The following NUGGC variants were observed in gnomAD, a reference collection of about 807,000 sequenced individuals.
NUGGC encodes the protein nuclear GTPase, germinal center associated.
In NUGGC, 58 loss-of-function variants were observed where a neutral mutation model predicts 92.6. That is an observed-to-expected ratio of 0.63 (90% CI 0.51 to 0.78). The LOEUF (loss-of-function observed/expected upper bound fraction) is 0.78. Ranked by LOEUF, NUGGC falls within the 30% of genes least tolerant of loss-of-function variation. The probability of loss-of-function intolerance (pLI) is 0.00; values close to 1 mark genes in which losing one functional copy is unlikely to be tolerated. For synonymous variants in NUGGC, 376 were observed against 366.4 expected (o/e 1.03, Z -0.30); for missense variants, 925 against 964.6 (o/e 0.96, Z 0.54).
At chr8:28,075,002 A>G (rs1184641644) in intron 1 of NUGGC, among the ~76,000 whole-genome samples, 1 of 152,152 alleles carries the variant, frequency 6.6e-6, no homozygotes, top group Admixed American at 6.5e-5. Context: ...CGCTGAAATG[A>G]GAATAAGCCT....
In NUGGC at chr8:28,058,269, T is replaced by C. The variant is rs1363269315; in HGVS notation, c.1105A>G (p.Lys369Glu). The part of the protein sequence containing the change: ...LHLPEYLRER[K>E]AGNQAIQSQR... ...TAGTTCATACTTACATTTCCTGCCT[T>C]TCTTTCCCTGAAATGAAATTAGAAA... The change falls in exon 9 of 19, where the codon AAG (lysine) becomes GAG (glutamate). Residue 369 changes from lysine to glutamate, a missense_variant. Lys to Glu is a moderately conservative substitution (Grantham distance 56). Coordinates refer to ENST00000413272, the MANE Select transcript of NUGGC (RefSeq NM_001010906.2). The C allele has an allele frequency of 2.0e-6, 1 of 512,562 alleles. No individual in the cohort carries two copies. The highest frequency in any genetic ancestry group is 4.2e-5 in the Admixed American group (1 of 23,686). 31.8% of individuals were successfully genotyped at this position (512,562 alleles called of 1,614,324 possible).
intron 11 of NUGGC, 102 bp from the exon 12 acceptor site, chr8:28,045,762 A>G (rs2130139847): frequency 7.7e-7 from 1 of 1,290,602 alleles, no homozygotes; most frequent in Non-Finnish European, 1.1e-6. Flanking sequence ...TGAATGAAGT[A>G]GAGTTGAGAT....
rs1463587844 is a variant in NUGGC, at chr8:28,027,178, T to C, written c.2155-126A>G. The stretch of plus-strand genomic sequence containing the variant: ...AGACTGGGGTTGCCAAAGTCAGGCT[T>C]TGCAACCCAGTTGCAAAACGGTGAA... On this transcript the variant is annotated intron_variant, in intron 17 of 18. Transcript: ENST00000413272. 5 of 726,710 alleles carry C rather than the reference T, an allele frequency of 6.9e-6. No homozygotes were observed. The East Asian group carries it at 1.2e-4, about 18-fold the overall frequency. 45.0% of individuals were successfully genotyped at this position (726,710 alleles called of 1,614,324 possible). A position where few individuals can be genotyped will look rare whatever the true frequency, so the allele number is the denominator to read the frequency against.
chr8:28,036,016 G>A (rs1447345165), intron 13 of NUGGC, among the ~76,000 whole-genome samples: 1 of 152,028 alleles, frequency 6.6e-6, no homozygotes, highest in East Asian at 1.9e-4. Context: ...CTGAGAAGCT[G>A]GGACTACAGG....
intron 13 of NUGGC, among the ~76,000 whole-genome samples, chr8:28,036,390 C>T (rs1439141657): frequency 1.3e-5 from 2 of 151,980 alleles, no homozygotes; most frequent in Non-Finnish European, 2.9e-5. Flanking sequence ...CTGTCCTTCT[C>T]TCCACTCCTC....
intron 10 of NUGGC, among the ~76,000 whole-genome samples, chr8:28,049,067 T>C (rs1563221170): frequency 1.3e-5 from 2 of 151,400 alleles, no homozygotes; most frequent in Non-Finnish European, 2.9e-5. Context: ...TTGAGGGAGG[T>C]AGAAAGCAGT....
In NUGGC at chr8:28,054,768, GCACTGTGGTGCTT is replaced by G. The variant is rs141794219; in HGVS notation, c.1206+1184_1206+1196del. ...CTTCTTTAAAATTCTGCTCTGCAGA[GCACTGTGGTGCTT>G]GCCGAGCTGTAGTCCCAGCTACGTG... On this transcript the variant is annotated intron_variant, in intron 10 of 18. Transcript: ENST00000413272. 3.3e-4 allele frequency among the ~76,000 whole-genome samples: 50 copies of G among 152,080 alleles called. 1 individual carries two copies. The East Asian group carries it at 9.0e-3, about 27-fold the overall frequency.
chr8:28,080,302 G>C (rs1810819791), intron 1 of NUGGC, among the ~76,000 whole-genome samples: 1 of 152,162 alleles, frequency 6.6e-6, no homozygotes, highest in Non-Finnish European at 1.5e-5. Flanking sequence ...GAGAGAGAGA[G>C]ACTATCAGAG....
intron 12 of NUGGC, among the ~76,000 whole-genome samples, chr8:28,043,826 C>G (rs117138186): frequency 0.015 from 2,282 of 152,250 alleles, 13 homozygotes; most frequent in African/African-American, 0.016. Context: ...CAAATTTCAC[C>G]CTGAAGAACT....
intron 11 of NUGGC, 54 bp downstream of exon 11, chr8:28,047,453 G>A: frequency 8.5e-7 from 1 of 1,170,584 alleles, no homozygotes; most frequent in Non-Finnish European, 1.2e-6. Flanking sequence ...AATTCGAAGT[G>A]CCAAGCTTGA....
chr8:28,029,988 A>G (rs950535498), intron 16 of NUGGC, among the ~76,000 whole-genome samples: 1 of 152,304 alleles, frequency 6.6e-6, no homozygotes, highest in African/African-American at 2.4e-5. Flanking sequence ...ATGAGTTCAC[A>G]AGTGAGTGAG....
chr8:28,036,805 T>A (rs1273776308), intron 13 of NUGGC, among the ~76,000 whole-genome samples: 1 of 152,200 alleles, frequency 6.6e-6, no homozygotes, highest in Non-Finnish European at 1.5e-5. Context: ...TCTTGCCATG[T>A]CTCATCTTAA....
chr8:28,060,587 G>A lies in NUGGC; in HGVS notation c.936C>T (p.Cys312=). ...DEMWKKTIDK[C]SVIWVISDIE... ...TGTCGCTGATCACCCAGATCACTGA[G>A]CACTTGTCAATGGTCTGCAAAACAT... is the stretch of plus-strand genomic sequence containing the variant. The change falls in exon 8 of 19, where the codon TGC becomes TGT. Residue 312 remains cysteine (C), a synonymous_variant. Coordinates refer to ENST00000413272, the MANE Select transcript of NUGGC (RefSeq NM_001010906.2). 1 of 1,611,830 alleles carries A rather than the reference G, an allele frequency of 6.2e-7. No homozygotes were observed. The highest frequency in any genetic ancestry group is 8.5e-7 in the Non-Finnish European group (1 of 1,179,234).
At chr8:28,048,585 T>G (rs1809903909) in intron 10 of NUGGC, among the ~76,000 whole-genome samples, 1 of 152,146 alleles carries the variant, frequency 6.6e-6, no homozygotes, top group East Asian at 1.9e-4. Flanking sequence ...AACATTAGTC[T>G]GGGTGCGGTG....
intron 17 of NUGGC, among the ~76,000 whole-genome samples, chr8:28,028,164 T>C (rs913907063): frequency 1.3e-5 from 2 of 152,158 alleles, no homozygotes; most frequent in African/African-American, 4.8e-5. Context: ...ATGGTCAACG[T>C]ACACATTTTT....
chr8:28,079,373 CT>C (rs1810793902), intron 1 of NUGGC, among the ~76,000 whole-genome samples: 1 of 152,070 alleles, frequency 6.6e-6, no homozygotes, highest in Admixed American at 6.6e-5. Flanking sequence ...AACCCCATCT[CT>C]ACTAAAAATA....
At chr8:28,047,466 T>C in intron 11 of NUGGC, 41 bp downstream of exon 11, 1 of 1,270,726 alleles carries the variant, frequency 7.9e-7, no homozygotes. Context: ...AAGCTTGATC[T>C]TGAGAATTTT....
intron 1 of NUGGC, among the ~76,000 whole-genome samples, chr8:28,079,289 C>G (rs2130293427): frequency 6.6e-6 from 1 of 152,262 alleles, no homozygotes; most frequent in Admixed American, 6.5e-5. Flanking sequence ...CGCCTGTAAT[C>G]CCAGCACTTT....
At chr8:28,045,722 C>CATA (rs1397151293) in intron 11 of NUGGC, 62 bp from the exon 12 acceptor site, 1 of 1,553,158 alleles carries the variant, frequency 6.4e-7, no homozygotes, top group African/African-American at 1.4e-5. Flanking sequence ...CAATAGAATT[C>CATA]ATAAAAGTTG....
Sources: gnomAD v4.1 joint callset for allele counts (sites outside exome capture counted in the v4.1 genomes callset) on GRCh38, gnomAD v4.1.1 for gene constraint, MANE v1.5 for transcripts, NCBI Gene and HGNC (gene_info 2026-07-23, HGNC 2026-07-21) for gene names.